The following SRRM4 variants were observed in gnomAD, a reference collection of about 807,000 sequenced individuals.
SRRM4 encodes serine/arginine repetitive matrix 4.
A neutral mutation model predicts 68.9 loss-of-function variants in SRRM4; 33 were observed. The ratio of observed to expected loss-of-function variants is 0.48; its 90% CI spans 0.36 to 0.64. The LOEUF (loss-of-function observed/expected upper bound fraction) is 0.64, where lower values mean the gene tolerates loss of function less well. Among genes scored for constraint, SRRM4 ranks in the 30% least tolerant of loss-of-function variants. The pLI is 0.00. For missense variants in SRRM4, 817 were observed against 827.1 expected (o/e 0.99, Z 0.15); for synonymous variants, 318 against 318.8 (o/e 1.00, Z 0.03).
intron 1 of SRRM4, among the ~76,000 whole-genome samples, chr12:119,023,713 A>G (rs1953530300): frequency 6.6e-6 from 1 of 152,206 alleles, no homozygotes; most frequent in Admixed American, 6.5e-5. Context: ...CAAGGTCTTG[A>G]ATGATCTGGT....
rs1395114676 is a variant in SRRM4 at position 119,025,470 on chromosome 12, G to C, written c.131+43457G>C. On this transcript the variant is annotated intron_variant, in intron 1 of 12. Coordinates refer to ENST00000267260, the MANE Select transcript of SRRM4 (RefSeq NM_194286.4). ...TTTGTTTGTTTGTTCTTGAGACTGA[G>C]TTTCACTCTTGTTGCCCAGGCTGGA... Among the ~76,000 whole-genome samples the C allele has an allele frequency of 2.6e-5, 4 of 151,830 alleles. No individual in the cohort carries two copies. The South Asian group carries it at 8.3e-4, about 32-fold the overall frequency.
intron 8 of SRRM4, among the ~76,000 whole-genome samples, chr12:119,141,390 T>C (rs1486719577): frequency 6.6e-6 from 1 of 152,248 alleles, no homozygotes; most frequent in Non-Finnish European, 1.5e-5. Flanking sequence ...TATGTACATC[T>C]ATTATATATC....
chr12:119,085,054 C>T (rs1953971284), intron 1 of SRRM4, among the ~76,000 whole-genome samples: 1 of 152,134 alleles, frequency 6.6e-6, no homozygotes, highest in Non-Finnish European at 1.5e-5. Context: ...CTGCCCACCA[C>T]CACGCTGGGC....
intron 1 of SRRM4, among the ~76,000 whole-genome samples, chr12:119,015,934 T>TATTCATGCCCAC (rs1175015373): frequency 1.3e-5 from 2 of 152,132 alleles, no homozygotes; most frequent in African/African-American, 4.8e-5. Flanking sequence ...ACGCCTTGCA[T>TATTCATGCCCAC]ATTCATGCCC....
intron 2 of SRRM4, among the ~76,000 whole-genome samples, chr12:119,102,936 C>T (rs1348883315): frequency 1.3e-5 from 2 of 152,184 alleles, no homozygotes; most frequent in African/African-American, 2.4e-5. Flanking sequence ...ATACTGTATA[C>T]TCAGCATTTT....
In SRRM4 at chr12:119,156,868, C is replaced by T. The variant is rs975059705; in HGVS notation, c.*70C>T. On this transcript the variant is annotated 3_prime_UTR_variant, in exon 13 of 13. Coordinates refer to ENST00000267260, the MANE Select transcript of SRRM4 (RefSeq NM_194286.4). ...GCCTCCCCCAACCACCTGCCCTCCC[C>T]GCCTTCTTGGTGACAAATAGTGAGG... 2 of 1,454,958 alleles carry T rather than the reference C, an allele frequency of 1.4e-6. No homozygotes were observed. Among genetic ancestry groups the T allele is most frequent in the Admixed American group, 2.5e-5 (1 of 39,686 alleles). The allele number at this position is 1,454,958 out of a possible 1,614,324, so 90.1% of individuals were successfully genotyped here.
At chr12:119,009,432 G>A (rs1953435744) in intron 1 of SRRM4, among the ~76,000 whole-genome samples, 1 of 152,188 alleles carries the variant, frequency 6.6e-6, no homozygotes, top group African/African-American at 2.4e-5. Flanking sequence ...CAAGACTTGG[G>A]AAAACGACCA....
chr12:119,099,440 C>T (rs1954065434), intron 1 of SRRM4, among the ~76,000 whole-genome samples: 1 of 151,528 alleles, frequency 6.6e-6, no homozygotes, highest in Non-Finnish European at 1.5e-5. Context: ...GGCCGCTCTT[C>T]CTTATAATAT....
chr12:119,009,735 T>C (rs1252699008), intron 1 of SRRM4, among the ~76,000 whole-genome samples: 1 of 152,176 alleles, frequency 6.6e-6, no homozygotes, highest in Admixed American at 6.5e-5. Context: ...GCCTGCTGTA[T>C]ACAGGCACTG....
At chr12:119,130,609 G>T in intron 7 of SRRM4, 69 bp from the exon 8 acceptor site, 2 of 1,456,224 alleles carry the variant, frequency 1.4e-6, no homozygotes, top group East Asian at 2.3e-5. Context: ...AGATCCTGTT[G>T]GTCCTGCATA....
rs371633893 is a variant in SRRM4 at position 119,102,248 on chromosome 12, G to C, written c.144G>C (p.Gln48His). ...ARKPLPRTEP[Q>H]NNPVVPAQDG... ...TCTTCTTCTGTAGGACAGAGCCCCA[G>C]AATAACCCCGTTGTCCCAGCTCAGG... is the stretch of plus-strand genomic sequence containing the variant. Residue 48 changes from glutamine to histidine, a missense_variant, in exon 2 of 13, where the codon CAG becomes CAC. Transcript: ENST00000267260. The C allele has an allele frequency of 4.3e-6, 7 of 1,613,208 alleles. No individual in the cohort carries two copies. Among genetic ancestry groups the C allele is most frequent in the Non-Finnish European group, 5.1e-6 (6 of 1,179,580 alleles).
chr12:119,000,166 A>T (rs1431015373), intron 1 of SRRM4, among the ~76,000 whole-genome samples: 1 of 152,166 alleles, frequency 6.6e-6, no homozygotes, highest in Non-Finnish European at 1.5e-5. Context: ...AAAATGGGGG[A>T]AATAACTTTT....
At chr12:119,085,608 G>A (rs1042041627) in intron 1 of SRRM4, among the ~76,000 whole-genome samples, 1 of 152,244 alleles carries the variant, frequency 6.6e-6, no homozygotes, top group Admixed American at 6.5e-5. Context: ...TGAGAGCCAT[G>A]TTGAGAAGTT....
intron 1 of SRRM4, among the ~76,000 whole-genome samples, chr12:118,995,289 T>C (rs1953342100): frequency 6.6e-6 from 1 of 152,174 alleles, no homozygotes; most frequent in Non-Finnish European, 1.5e-5. Flanking sequence ...CTTACACAGC[T>C]AGGTAATGTC....
chr12:119,062,186 G>C (rs1953816764), intron 1 of SRRM4, among the ~76,000 whole-genome samples: 1 of 152,098 alleles, frequency 6.6e-6, no homozygotes, highest in South Asian at 2.1e-4. Context: ...ATGCAGAAAA[G>C]GTACATTAAA....
rs1565922177 is a variant in SRRM4 at position 119,158,964 on chromosome 12, G to C, written c.*2166G>C. ...TATTGAATTATTTATTTATACAGAGGTTTTGTGTGTGTGTGTGTGTGTGTG... is the reference window on the plus strand; with the variant it reads ...TATTGAATTATTTATTTATACAGAGCTTTTGTGTGTGTGTGTGTGTGTGTG... On this transcript the variant is annotated 3_prime_UTR_variant, in exon 13 of 13. Transcript: ENST00000267260. 7.7e-6 allele frequency: 1 copy of C among 129,666 alleles called. No individual in the cohort carries two copies. The highest frequency in any genetic ancestry group is 1.6e-5 in the Non-Finnish European group (1 of 61,186). The allele number at this position is 129,666 out of a possible 1,614,324, so 8.0% of individuals were successfully genotyped here.
intron 2 of SRRM4, among the ~76,000 whole-genome samples, chr12:119,102,590 G>A (rs778684188): frequency 6.6e-6 from 1 of 152,170 alleles, no homozygotes; most frequent in Non-Finnish European, 1.5e-5. Flanking sequence ...AGCCATTGCA[G>A]TGCAAAAAAC....
intron 1 of SRRM4, among the ~76,000 whole-genome samples, chr12:119,101,776 C>A (rs928565388): frequency 6.6e-6 from 1 of 152,094 alleles, no homozygotes; most frequent in Non-Finnish European, 1.5e-5. Flanking sequence ...CTAATCCTAT[C>A]ATGCTTTGGC....
chr12:119,038,298 G>A (rs375640924), intron 1 of SRRM4, among the ~76,000 whole-genome samples: 10 of 150,258 alleles, frequency 6.7e-5, no homozygotes, highest in East Asian at 2.0e-4. Flanking sequence ...TGCAAGCTCC[G>A]CCTTCCGGGT....
Sources: gnomAD v4.1 joint callset for allele counts (sites outside exome capture counted in the v4.1 genomes callset) on GRCh38, gnomAD v4.1.1 for gene constraint, MANE v1.5 for transcripts, NCBI Gene and HGNC (gene_info 2026-07-23, HGNC 2026-07-21) for gene names.